Variants in ZNF326 observed in about 807,000 individuals in gnomAD.
ZNF326 encodes zinc finger protein 326.
ZNF326 carries 30 observed loss-of-function variants against 63.1 expected under a neutral mutation model. The observed-to-expected ratio is 0.48, with a 90% CI of 0.36 to 0.64. The LOEUF (loss-of-function observed/expected upper bound fraction) is 0.64. Among genes scored for constraint, ZNF326 ranks in the 30% least tolerant of loss-of-function variants. ZNF326 has a pLI of 0.00. For missense variants in ZNF326, 609 were observed against 720.3 expected, an observed-to-expected ratio of 0.85 and a Z score of 1.77; for synonymous variants, 194 against 228.2, an observed-to-expected ratio of 0.85 and a Z score of 1.35.
At chr1:90,008,595 A>AT (rs1237272289) in intron 5 of ZNF326, among the ~76,000 whole-genome samples, 1 of 152,170 alleles carries the variant, frequency 6.6e-6, no homozygotes, top group African/African-American at 2.4e-5. Flanking sequence ...TTGTGGGGTT[A>AT]TTATATAGTT....
chr1:90,003,193 C>G (rs1307179910), intron 2 of ZNF326, among the ~76,000 whole-genome samples: 1 of 151,046 alleles, frequency 6.6e-6, no homozygotes, highest in Non-Finnish European at 1.5e-5. Flanking sequence ...TGCAGTGGCA[C>G]GATCTTGGCT....
intron 7 of ZNF326, among the ~76,000 whole-genome samples, chr1:90,016,509 A>C (rs1649509845): frequency 6.6e-6 from 1 of 152,088 alleles, no homozygotes; most frequent in Non-Finnish European, 1.5e-5. Flanking sequence ...TGAGGTCAGG[A>C]GTTCAAGACC....
At chr1:90,005,561 TA>T in intron 4 of ZNF326, 1 of 927,348 alleles carries the variant, frequency 1.1e-6, no homozygotes, top group Non-Finnish European at 1.3e-6. Context: ...AAAAATGATA[TA>T]AAAATGTTAT....
Position 90,007,546 on chromosome 1 carries a change from C to G in ZNF326, c.411C>G (p.Ser137=). ...GGTCTAGCTGGGAAGCACCTTACTC[C>G]CGTTCAAAATTGAGGCCTGGGTTTA... ...QGGSSWEAPY[S]RSKLRPGFME... The change falls in exon 5 of 12, where the codon TCC becomes TCG. Residue 137 remains serine (S), a synonymous_variant. Coordinates refer to ENST00000340281, the MANE Select transcript of ZNF326 (RefSeq NM_182976.4). This position sits in a 1 kb window ranked among gnomAD's most constrained non-coding sequence, Gnocchi z 4.9. The G allele has an allele frequency of 6.2e-7, 1 of 1,613,810 alleles. No homozygotes were observed. Among genetic ancestry groups the G allele is most frequent in the Non-Finnish European group, 8.5e-7 (1 of 1,179,928 alleles).
At chr1:90,024,447 G>A (rs980568021) in intron 11 of ZNF326, among the ~76,000 whole-genome samples, 62 of 152,196 alleles carry the variant, frequency 4.1e-4, no homozygotes, top group African/African-American at 1.4e-3. Context: ...GCTAAAAAAT[G>A]TGGAATTGTG....
chr1:90,022,163 G>A lies in ZNF326; in HGVS notation c.1306-87G>A. The stretch of plus-strand genomic sequence containing the variant: ...GAAGATAAGTCATTTAAATCTAAGG[G>A]TTTGAGCATGAAATGCTGTTTTAAT... On this transcript the variant is annotated intron_variant, in intron 10 of 11. Transcript: ENST00000340281. 3.2e-6 allele frequency: 3 copies of A among 939,422 alleles called. No individual in the cohort carries two copies. The South Asian group carries it at 4.7e-5, about 15-fold the overall frequency. The allele number at this position is 939,422 out of a possible 1,614,324, so 58.2% of individuals were successfully genotyped here.
Position 90,027,976 on chromosome 1 carries a change from A to G in ZNF326, c.*275A>G. ...TTTTATTACTTTATTGGTGTTAAGG[A>G]TAACAAATGTGTATTGTTAGTATAT... On this transcript the variant is annotated 3_prime_UTR_variant, in exon 12 of 12. Transcript: ENST00000340281. 2.5e-6 allele frequency: 1 copy of G among 396,040 alleles called. No individual in the cohort carries two copies. The highest frequency in any genetic ancestry group is 3.2e-5 in the South Asian group (1 of 31,314). 24.5% of individuals were successfully genotyped at this position (396,040 alleles called of 1,614,324 possible). A position where few individuals can be genotyped will look rare whatever the true frequency, so the allele number is the denominator to read the frequency against.
At position 90,029,464 on chromosome 1, in the gene ZNF326, GC is replaced by G. The variant is rs1285248209; in HGVS notation, c.*1764del. The G allele has an allele frequency of 2.0e-5, 3 of 152,064 alleles. No individual in the cohort carries two copies. The highest frequency in any genetic ancestry group is 4.4e-5 in the Non-Finnish European group (3 of 67,996). 9.4% of individuals were successfully genotyped at this position (152,064 alleles called of 1,614,324 possible). On this transcript the variant is annotated 3_prime_UTR_variant, in exon 12 of 12. Transcript: ENST00000340281. ...TTAGCAGGCTTTTGAAAGCCGTTTT[GC>G]TTAGGAGTTCAAATTTTAAGGATAA...
At position 90,013,247 on chromosome 1, in the gene ZNF326, T is replaced by C. The variant is rs1402613464; in HGVS notation, c.926+10T>C. ...ACGGAGATGGATACAGGTTTGTACTTAGAGTCAGAAAATTAGGTTCATTAA... is the reference window on the plus strand; with the variant it reads ...ACGGAGATGGATACAGGTTTGTACTCAGAGTCAGAAAATTAGGTTCATTAA... On this transcript the variant is annotated intron_variant, in intron 7 of 11. Coordinates refer to ENST00000340281, the MANE Select transcript of ZNF326 (RefSeq NM_182976.4). 5.2e-6 allele frequency: 8 copies of C among 1,532,300 alleles called. No homozygotes were observed. The highest frequency in any genetic ancestry group is 7.0e-6 in the Non-Finnish European group (8 of 1,138,452). The allele number at this position is 1,532,300 out of a possible 1,614,324, so 94.9% of individuals were successfully genotyped here.
intron 4 of ZNF326, chr1:90,006,318 G>A: frequency 4.1e-6 from 4 of 976,310 alleles, no homozygotes; most frequent in Non-Finnish European, 4.9e-6. Context: ...AACACTTAAT[G>A]TTTTAATATG....
chr1:90,012,729 G>T (rs1649309413), intron 6 of ZNF326, among the ~76,000 whole-genome samples: 1 of 152,166 alleles, frequency 6.6e-6, no homozygotes, highest in African/African-American at 2.4e-5. Context: ...GGGCTCTGCA[G>T]TGTTTACTGG....
rs1181219382 is a variant in ZNF326, at chr1:90,028,600, T to C, written c.*899T>C. 1 of 152,236 alleles carries C rather than the reference T, an allele frequency of 6.6e-6. No individual in the cohort carries two copies. Among genetic ancestry groups the C allele is most frequent in the Non-Finnish European group, 1.5e-5 (1 of 68,038 alleles). The allele number at this position is 152,236 out of a possible 1,614,324, so 9.4% of individuals were successfully genotyped here. On this transcript the variant is annotated 3_prime_UTR_variant, in exon 12 of 12. Coordinates refer to ENST00000340281, the MANE Select transcript of ZNF326 (RefSeq NM_182976.4). ...GGCTGAAGAACCAAGAAGCAGACTT[T>C]TCTTTTAAAAGAATTATTTCTCTTT...
In ZNF326 at chr1:90,029,762, T is replaced by C. The variant is rs574645084; in HGVS notation, c.*2061T>C. 2.4e-4 allele frequency: 36 copies of C among 152,046 alleles called. No homozygotes were observed. The highest frequency in any genetic ancestry group is 4.9e-4 in the Non-Finnish European group (33 of 68,012). The allele number at this position is 152,046 out of a possible 1,614,324, so 9.4% of individuals were successfully genotyped here. A position where few individuals can be genotyped will look rare whatever the true frequency, so the allele number is the denominator to read the frequency against. On this transcript the variant is annotated 3_prime_UTR_variant, in exon 12 of 12. Coordinates refer to ENST00000340281, the MANE Select transcript of ZNF326 (RefSeq NM_182976.4). ...AGAACATCTAAATAGTACTTTTTTG[T>C]GGGACGCATGAGCCTTTATACAGCC...
rs535037108 is a variant in ZNF326, at chr1:89,999,437, G to A, written c.61+1283G>A. On this transcript the variant is annotated intron_variant, in intron 2 of 11. Coordinates refer to ENST00000340281, the MANE Select transcript of ZNF326 (RefSeq NM_182976.4). ...AGTTGGATTTAATGTCTAAACATAG[G>A]ACTTGAAATGCAGACTCATGCAGGG... Among the ~76,000 whole-genome samples the A allele has an allele frequency of 4.6e-5, 7 of 152,236 alleles. No homozygotes were observed. In the South Asian group the frequency reaches 1.5e-3, roughly 32 times the overall value.
At position 90,004,798 on chromosome 1, in the gene ZNF326, CTTTTTT is replaced by C. The variant is rs34878438; in HGVS notation, c.62-189_62-184del. On this transcript the variant is annotated intron_variant, in intron 2 of 11. Coordinates refer to ENST00000340281, the MANE Select transcript of ZNF326 (RefSeq NM_182976.4). ...TATGTTTTTCTTTGAAATATCAGGG[CTTTTTT>C]TTTTTTTTTTTTTTTAGCAAATTTG... 2.5e-3 allele frequency among the ~76,000 whole-genome samples: 168 copies of C among 68,128 alleles called. 9 individuals are homozygous for C. The South Asian group carries it at 0.089, about 36-fold the overall frequency. 44.7% of individuals were successfully genotyped at this position (68,128 alleles called of 152,430 possible).
intron 11 of ZNF326, 35 bp from the exon 12 acceptor site, chr1:90,027,319 G>A (rs896749209): frequency 9.4e-6 from 15 of 1,595,410 alleles, no homozygotes; most frequent in Non-Finnish European, 1.3e-5. Context: ...AATAATGAAT[G>A]TGCTGATTTT....
chr1:90,034,419 A>T lies in ZNF326; in HGVS notation c.*6718A>T, dbSNP rs1234766345. ...ACACAGCGCTTAGAAATTGTCAGAT[A>T]AAGAGTTCAAAATAGAGGAAACATT... On this transcript the variant is annotated 3_prime_UTR_variant, in exon 12 of 12. Transcript: ENST00000340281. The T allele has an allele frequency of 6.6e-6, 1 of 152,200 alleles. No individual in the cohort carries two copies. The highest frequency in any genetic ancestry group is 1.9e-4 in the East Asian group (1 of 5,204). 9.4% of individuals were successfully genotyped at this position (152,200 alleles called of 1,614,324 possible).
rs142254459 is a variant in ZNF326, at chr1:90,017,344, A to G, written c.954A>G (p.Lys318=). 816 of 1,599,988 alleles carry G rather than the reference A, an allele frequency of 5.1e-4. 7 individuals carry two copies. In the African/African-American group the frequency reaches 9.6e-3, roughly 19 times the overall value. ...TGGCATTTACATGTTCATTTTGTAA[A>G]TTTCGAACATTTGAAGAAAAAGATA... ...YRMAFTCSFC[K]FRTFEEKDIE... is the part of the protein sequence containing the mutation. The change falls in exon 8 of 12, where the codon AAA becomes AAG. Residue 318 remains lysine, a synonymous_variant. Coordinates refer to ENST00000340281, the MANE Select transcript of ZNF326 (RefSeq NM_182976.4).
intron 5 of ZNF326, among the ~76,000 whole-genome samples, chr1:90,009,461 C>T (rs1382973213): frequency 6.6e-6 from 1 of 152,092 alleles, no homozygotes; most frequent in Non-Finnish European, 1.5e-5. Context: ...GCTTCTGGGT[C>T]AGAAAATGTT....
Sources: allele counts gnomAD v4.1 joint callset (sites outside exome capture counted in the v4.1 genomes callset), GRCh38; gene constraint gnomAD v4.1.1; non-coding constraint Gnocchi (gnomAD v3.1); transcripts MANE v1.5; gene names NCBI Gene and HGNC (gene_info 2026-07-23, HGNC 2026-07-21).